LRP5: variants seen among roughly 807,000 people sequenced by gnomAD.
LRP5 encodes low-density lipoprotein receptor-related protein 5.
Under a neutral mutation model 154.1 loss-of-function variants are expected in LRP5, and 62 were observed. That is an observed-to-expected ratio of 0.40 (90% CI 0.33 to 0.50). The LOEUF is 0.50. Among genes scored for constraint, LRP5 ranks in the 20% least tolerant of loss-of-function variants. The pLI is 0.55. For synonymous variants in LRP5, 966 were observed against 1,011.5 expected (o/e 0.96, Z 0.85); for missense variants, 1,915 against 2,336.7 (o/e 0.82, Z 3.72).
At chr11:68,302,644 T>C in the LRP5 span, among the ~76,000 whole-genome samples, 1 of 152,200 alleles carries the variant, frequency 6.6e-6, no homozygotes, top group East Asian at 1.9e-4. Context: ...AGAGAGAGGC[T>C]TGGGGACTTG....
intron 4 of LRP5, 118 bp from the exon 5 acceptor site, chr11:68,365,453 T>A: frequency 6.7e-7 from 1 of 1,484,068 alleles, no homozygotes; most frequent in Non-Finnish European, 9.3e-7. Context: ...GAGGCCGATG[T>A]TTGGGCAGAG....
intron 1 of LRP5, among the ~76,000 whole-genome samples, chr11:68,315,849 G>A (rs140008529): frequency 7.9e-4 from 121 of 152,346 alleles, no homozygotes; most frequent in Middle Eastern, 3.4e-3. Context: ...ACAAGGCAGC[G>A]GAAGCTTCTG....
At chr11:68,434,243 G>A (rs1432939863) in intron 18 of LRP5, among the ~76,000 whole-genome samples, 1 of 152,124 alleles carries the variant, frequency 6.6e-6, no homozygotes, top group Non-Finnish European at 1.5e-5. Context: ...AGAATCAGGA[G>A]GTATAAAGAG....
chr11:68,365,843 T>C, intron 5 of LRP5, 141 bp downstream of exon 5: 2 of 855,274 alleles, frequency 2.3e-6, no homozygotes, highest in Non-Finnish European at 3.6e-6. Context: ...GATTCAAGTC[T>C]GTGGTCCCAG....
In LRP5 at chr11:68,443,577, ATATATATATTTTTTTT is replaced by A. The variant is rs1170258525; in HGVS notation, c.4489-2857_4489-2842del. 2.4e-4 allele frequency among the ~76,000 whole-genome samples: 10 copies of A among 42,022 alleles called. No homozygotes were observed. In the East Asian group the frequency reaches 6.4e-3, roughly 27 times the overall value. 27.6% of individuals were successfully genotyped at this position (42,022 alleles called of 152,430 possible). On this transcript the variant is annotated intron_variant, in intron 21 of 22. Transcript: ENST00000294304. ...TATATATATATATATATATATATAT[ATATATATATTTTTTTT>A]TTTTTTGGTTATGTTCAGAAAGGCC...
At chr11:68,322,371 C>T (rs1465566803) in intron 1 of LRP5, among the ~76,000 whole-genome samples, 1 of 152,252 alleles carries the variant, frequency 6.6e-6, no homozygotes, top group Non-Finnish European at 1.5e-5. Context: ...TCTGGAACCT[C>T]CCCTTTGCCC....
rs1205984332 is a variant in LRP5 at position 68,406,637 on chromosome 11, A to T, written c.1915A>T (p.Thr639Ser). The change falls in exon 9 of 23, where the codon ACC becomes TCC. Residue 639 changes from threonine to serine, a missense_variant. Thr to Ser is a moderately conservative substitution (Grantham distance 58). Around this residue, in one of 3 missense-constraint regions of LRP5, gnomAD observed 773 missense variants for 1,100.9 expected, o/e 0.70. Transcript: ENST00000294304. ...CCTGGAGCTGCTGAGTGACATGAAG[A>T]CCTGCATCGTGCCTGAGGCCTTCTT... ...IGLELLSDMK[T>S]CIVPEAFLVF... 6.2e-7 allele frequency: 1 copy of T among 1,613,952 alleles called. No homozygotes were observed. Among genetic ancestry groups the T allele is most frequent in the Non-Finnish European group, 8.5e-7 (1 of 1,180,030 alleles).
the LRP5 span, among the ~76,000 whole-genome samples, chr11:68,304,670 C>G: frequency 1.3e-5 from 2 of 152,274 alleles, no homozygotes; most frequent in Admixed American, 6.5e-5. Flanking sequence ...AGGAATAGAG[C>G]TGCCCAAGGC....
chr11:68,363,991 A>T (rs1049917024), intron 4 of LRP5, 48 bp downstream of exon 4: 1 of 81,362 alleles, frequency 1.2e-5, no homozygotes, highest in East Asian at 3.5e-4. Flanking sequence ...GGCTGGGGGG[A>T]GCGGGGGCGC....
chr11:68,433,835 G>T lies in LRP5; in HGVS notation c.3997G>T (p.Asp1333Tyr). 6.2e-7 allele frequency: 1 copy of T among 1,612,056 alleles called. No homozygotes were observed. Among genetic ancestry groups the T allele is most frequent in the South Asian group, 1.1e-5 (1 of 91,008 alleles). ...GGACCGCTCAGACGAGGCGGACTGT[G>T]ACGGTGAGGCCCTCCCCGTCAAGGC... ...CQDRSDEADC[D>Y]AICLPNQFRC... The change falls in exon 18 of 23, where the codon GAC becomes TAC. Residue 1333 changes from aspartate (D) to tyrosine (Y), a missense_variant. This residue lies in a region of LRP5 where 1,094 missense variants were observed against 1,210.1 expected (regional missense o/e 0.90). Coordinates refer to ENST00000294304, the MANE Select transcript of LRP5 (RefSeq NM_002335.4).
At chr11:68,394,468 CT>C (rs1217880694) in intron 7 of LRP5, among the ~76,000 whole-genome samples, 293 of 139,884 alleles carry the variant, frequency 2.1e-3, no homozygotes, top group East Asian at 3.5e-3. Flanking sequence ...TGATTACCCA[CT>C]TTTTTTTTTT....
At chr11:68,403,268 C>G (rs2098653661) in intron 7 of LRP5, among the ~76,000 whole-genome samples, 1 of 150,256 alleles carries the variant, frequency 6.7e-6, no homozygotes, top group South Asian at 2.1e-4. Flanking sequence ...AACAAACAAA[C>G]AAAAAACAAA....
chr11:68,416,392 G>A lies in LRP5; in HGVS notation c.2892G>A (p.Gln964=), dbSNP rs2098662560. ...SAISRMIPDD[Q]HSPDLILPLH... ...TCAGTCGGATGATCCCGGACGACCA[G>A]CACAGCCCGGATCTCATCCTGCCCC... is the stretch of plus-strand genomic sequence containing the variant. The change falls in exon 13 of 23, where the codon CAG becomes CAA. Residue 964 remains glutamine (Q), a synonymous_variant. Coordinates refer to ENST00000294304, the MANE Select transcript of LRP5 (RefSeq NM_002335.4). 6.2e-7 allele frequency: 1 copy of A among 1,614,068 alleles called. No homozygotes were observed. Among genetic ancestry groups the A allele is most frequent in the Admixed American group, 1.7e-5 (1 of 60,008 alleles).
chr11:68,298,586 G>A, the LRP5 span, among the ~76,000 whole-genome samples: 1 of 152,154 alleles, frequency 6.6e-6, no homozygotes, highest in Non-Finnish European at 1.5e-5. Flanking sequence ...TCCTCACTGC[G>A]CCAATGCCCC....
At position 68,389,899 on chromosome 11, in the gene LRP5, C is replaced by A; in HGVS notation, c.1431C>A (p.Asp477Glu). 6.2e-7 allele frequency: 1 copy of A among 1,614,260 alleles called. No homozygotes were observed. The highest frequency in any genetic ancestry group is 8.5e-7 in the Non-Finnish European group (1 of 1,180,050). ...TCTCCAGCCTCATGTACTGGACAGA[C>A]TGGGGAGAGAACCCTAAAATCGAGT... ...HPVMGLMYWT[D>E]WGENPKIECA... is the part of the protein sequence containing the mutation. The change falls in exon 7 of 23, where the codon GAC becomes GAA. Residue 477 changes from aspartate to glutamate, a missense_variant. Around this residue, in one of 3 missense-constraint regions of LRP5, gnomAD observed 773 missense variants for 1,100.9 expected, o/e 0.70. Coordinates refer to ENST00000294304, the MANE Select transcript of LRP5 (RefSeq NM_002335.4).
intron 19 of LRP5, 38 bp from the exon 20 acceptor site, chr11:68,438,408 G>A (rs1351251072): frequency 3.8e-6 from 6 of 1,584,014 alleles, no homozygotes; most frequent in Non-Finnish European, 4.3e-6. Flanking sequence ...TTCCGTTGGG[G>A]TTAATGTTGG....
intron 5 of LRP5, among the ~76,000 whole-genome samples, chr11:68,378,813 G>A (rs2098638801): frequency 1.3e-5 from 2 of 152,030 alleles, no homozygotes; most frequent in African/African-American, 4.8e-5. Flanking sequence ...TGGAGTTGGG[G>A]TTGGGGGGTG....
intron 1 of LRP5, among the ~76,000 whole-genome samples, chr11:68,331,613 C>T (rs1332710688): frequency 1.3e-5 from 2 of 152,214 alleles, no homozygotes; most frequent in Non-Finnish European, 2.9e-5. Context: ...CAAGTGATTT[C>T]TTATTTCCTG....
intron 1 of LRP5, among the ~76,000 whole-genome samples, chr11:68,338,191 G>A (rs1056589903): frequency 1.3e-5 from 2 of 152,262 alleles, no homozygotes; most frequent in Admixed American, 6.5e-5. Flanking sequence ...AGCTTGCTCC[G>A]ATGAGCAGTT....
Sources: gnomAD v4.1 joint callset for allele counts (sites outside exome capture counted in the v4.1 genomes callset) on GRCh38, gnomAD v4.1.1 for gene constraint, gnomAD v4.1.1 regional missense constraint, MANE v1.5 for transcripts, NCBI Gene and HGNC (gene_info 2026-07-23, HGNC 2026-07-21) for gene names.